Variants in RELL1 observed in about 807,000 individuals in gnomAD.
RELL1 encodes RELT-like protein 1.
A neutral mutation model predicts 23.0 loss-of-function variants in RELL1; 10 were observed. The observed-to-expected ratio is 0.43, with a 90% CI of 0.27 to 0.74. The LOEUF is 0.74. Among genes scored for constraint, RELL1 ranks in the 30% least tolerant of loss-of-function variants. The pLI is 0.19. For synonymous variants in RELL1, 146 were observed against 146.8 expected (o/e 0.99, Z 0.04); for missense variants, 315 against 364.4 (o/e 0.86, Z 1.10).
At chr4:37,600,776 T>TGTGC (rs1029875612) in intron 6 of RELL1, among the ~76,000 whole-genome samples, 3 of 102,188 alleles carry the variant, frequency 2.9e-5, no homozygotes, top group African/African-American at 7.2e-5. Context: ...AGTATGGATT[T>TGTGC]GTGCGTGTGT....
intron 1 of RELL1, among the ~76,000 whole-genome samples, chr4:37,657,759 T>A (rs368785082): frequency 1.2e-3 from 178 of 152,058 alleles, no homozygotes; most frequent in African/African-American, 4.1e-3. Context: ...CCCCAAAAAA[T>A]AAGATAGCTA....
At chr4:37,657,228 A>G (rs191256529) in intron 1 of RELL1, among the ~76,000 whole-genome samples, 40 of 152,342 alleles carry the variant, frequency 2.6e-4, no homozygotes, top group Non-Finnish European at 4.0e-4. Context: ...AAGAAAAACA[A>G]TCCACAGAAG....
chr4:37,611,700 C>T lies in RELL1; in HGVS notation c.*1646G>A, dbSNP rs913648420. ...GTAATACTATTTATGCCTCTGGGTC[C>T]TTTCAGGTGTTTTGTAAAATGTACA... On this transcript the variant is annotated 3_prime_UTR_variant, in exon 7 of 7. Coordinates refer to ENST00000454158, the MANE Select transcript of RELL1 (RefSeq NM_001085400.2). Among the ~76,000 whole-genome samples the T allele has an allele frequency of 3.3e-5, 5 of 151,540 alleles. No homozygotes were observed. The highest frequency in any genetic ancestry group is 1.2e-4 in the African/African-American group (5 of 41,184).
At chr4:37,604,916 C>CAG (rs879420608) in intron 6 of RELL1, among the ~76,000 whole-genome samples, 3,862 of 36,362 alleles carry the variant, frequency 0.11, 430 homozygotes, top group South Asian at 0.34. Flanking sequence ...CACACACACA[C>CAG]ACAGACACAC....
downstream of RELL1, among the ~76,000 whole-genome samples, chr4:37,608,782 C>T (rs973762650): frequency 6.6e-6 from 1 of 151,898 alleles, no homozygotes; most frequent in Non-Finnish European, 1.5e-5. Flanking sequence ...AGGTGTGCAC[C>T]ATTATGCCCA....
intron 3 of RELL1, 55 bp downstream of exon 3, chr4:37,647,312 GT>G: frequency 7.8e-7 from 1 of 1,278,632 alleles, no homozygotes; most frequent in Non-Finnish European, 1.1e-6. Flanking sequence ...TTCGAAGCAG[GT>G]TTTTAATAAA....
intron 2 of RELL1, 32 bp from the exon 3 acceptor site, chr4:37,647,471 T>A: frequency 6.8e-7 from 1 of 1,471,900 alleles, no homozygotes; most frequent in African/African-American, 1.4e-5. Flanking sequence ...GAGAACAGGT[T>A]ACAATTGGTC....
In RELL1 at chr4:37,638,381, A is replaced by G. The variant is rs142639750; in HGVS notation, c.443+66T>C. On this transcript the variant is annotated intron_variant, in intron 4 of 6. Coordinates refer to ENST00000454158, the MANE Select transcript of RELL1 (RefSeq NM_001085400.2). ...CTGCTCTAGCAGAAGAGCATTTCAG[A>G]TGGCGCCATATCTGAGCAAGTAACT... The G allele has an allele frequency of 7.5e-4, 929 of 1,246,646 alleles. 7 individuals are homozygous for G. In the African/African-American group the frequency reaches 0.012, roughly 16 times the overall value. 77.2% of individuals were successfully genotyped at this position (1,246,646 alleles called of 1,614,324 possible).
At chr4:37,601,215 TATAAAC>T (rs1475984166) in intron 6 of RELL1, among the ~76,000 whole-genome samples, 1 of 152,202 alleles carries the variant, frequency 6.6e-6, no homozygotes, top group Non-Finnish European at 1.5e-5. Context: ...CTTCGAATGT[TATAAAC>T]AATATGGCTG....
At chr4:37,672,684 T>C (rs1560359211) in intron 1 of RELL1, among the ~76,000 whole-genome samples, 1 of 120,238 alleles carries the variant, frequency 8.3e-6, no homozygotes, top group Non-Finnish European at 1.6e-5. Flanking sequence ...GTTTCCATAA[T>C]ATGTAGGCAT....
At chr4:37,608,389 G>C, downstream of RELL1, among the ~76,000 whole-genome samples, 1 of 152,122 alleles carries the variant, frequency 6.6e-6, no homozygotes, top group Non-Finnish European at 1.5e-5. Flanking sequence ...AATTTAAAAT[G>C]CTACTCTAGC....
chr4:37,620,330 A>T (rs1208790613), intron 6 of RELL1, among the ~76,000 whole-genome samples: 1 of 152,240 alleles, frequency 6.6e-6, no homozygotes, highest in Non-Finnish European at 1.5e-5. Context: ...ATATTCTCAC[A>T]GCAATTTCAA....
At chr4:37,629,116 A>AGGGCAAGCCAGGTCTTCTG (rs1215006799) in intron 6 of RELL1, among the ~76,000 whole-genome samples, 1 of 152,194 alleles carries the variant, frequency 6.6e-6, no homozygotes, top group East Asian at 1.9e-4. Flanking sequence ...TTCCTAATCG[A>AGGGCAAGCCAGGTCTTCTG]GGGCAAGCCA....
At chr4:37,604,956 GACAC>G (rs1226685197) in intron 6 of RELL1, among the ~76,000 whole-genome samples, 1 of 112,880 alleles carries the variant, frequency 8.9e-6, no homozygotes, top group Non-Finnish European at 1.9e-5. Context: ...CACACACAGA[GACAC>G]ACACATACAC....
intron 1 of RELL1, among the ~76,000 whole-genome samples, chr4:37,664,099 C>T (rs550575983): frequency 9.2e-5 from 14 of 152,216 alleles, no homozygotes; most frequent in African/African-American, 1.7e-4. Context: ...AAAGATCGAC[C>T]GGGCGCAGTG....
chr4:37,605,765 A>AAGAAAGAGAGAG (rs147338700), downstream of RELL1, among the ~76,000 whole-genome samples: 3 of 92,070 alleles, frequency 3.3e-5, no homozygotes, highest in African/African-American at 1.1e-4. Flanking sequence ...AGAATAAAGA[A>AAGAAAGAGAGAG]AGAGAGAGAG....
intron 1 of RELL1, among the ~76,000 whole-genome samples, chr4:37,671,151 C>T (rs761754232): frequency 6.6e-5 from 10 of 152,210 alleles, no homozygotes; most frequent in Non-Finnish European, 1.3e-4. Context: ...AGATGCCAGC[C>T]GCAAATGGGG....
At chr4:37,640,597 T>TC (rs1244026677) in intron 3 of RELL1, among the ~76,000 whole-genome samples, 1 of 152,006 alleles carries the variant, frequency 6.6e-6, no homozygotes, top group Non-Finnish European at 1.5e-5. Context: ...GAAACACATC[T>TC]CCCCCTCCCC....
downstream of RELL1, among the ~76,000 whole-genome samples, chr4:37,587,013 G>T (rs77249754): frequency 0.066 from 10,075 of 152,212 alleles, 491 homozygotes; most frequent in East Asian, 0.26. Flanking sequence ...CCAGGGGTGG[G>T]TATCAGGGAT....
Sources: gnomAD v4.1 joint callset for allele counts (sites outside exome capture counted in the v4.1 genomes callset) on GRCh38, gnomAD v4.1.1 for gene constraint, MANE v1.5 for transcripts, NCBI Gene and HGNC (gene_info 2026-07-23, HGNC 2026-07-21) for gene names.